TSEN2: variants seen among roughly 807,000 people sequenced by gnomAD.
The protein encoded by TSEN2 is tRNA splicing endonuclease subunit 2.
A neutral mutation model predicts 59.2 loss-of-function variants in TSEN2; 54 were observed. The ratio of observed to expected loss-of-function variants is 0.91; its 90% CI spans 0.73 to 1.14. TSEN2 has a LOEUF of 1.14. Ranked by LOEUF, TSEN2 falls within the 50% of genes most tolerant of loss-of-function variation. The pLI is 0.00. For missense variants in TSEN2, 636 were observed against 576.2 expected, an observed-to-expected ratio of 1.10 and a Z score of -1.06; for synonymous variants, 195 against 198.2, an observed-to-expected ratio of 0.98 and a Z score of 0.14.
At chr3:12,517,058 AGATAAGGGGC>A (rs2056197268) in intron 7 of TSEN2, among the ~76,000 whole-genome samples, 1 of 152,194 alleles carries the variant, frequency 6.6e-6, no homozygotes, top group Non-Finnish European at 1.5e-5. Context: ...TAGAATTTGC[AGATAAGGGGC>A]CGGGCCCGGT....
intron 4 of TSEN2, among the ~76,000 whole-genome samples, chr3:12,499,066 G>C (rs1352096831): frequency 1.3e-5 from 2 of 152,040 alleles, no homozygotes; most frequent in African/African-American, 4.8e-5. Context: ...GGCCATAATT[G>C]TTTCTTTTCT....
At chr3:12,496,361 G>A (rs550778312) in intron 3 of TSEN2, among the ~76,000 whole-genome samples, 157 bp from the exon 4 acceptor site, 3 of 152,296 alleles carry the variant, frequency 2.0e-5, no homozygotes, top group Non-Finnish European at 4.4e-5. Context: ...AGGGAAGGAC[G>A]GCATAGAAAG....
In TSEN2 at chr3:12,489,862, C is replaced by T; in HGVS notation, c.62C>T (p.Ser21Phe). ...AGAAGAGTGTATGAGACTTACGAGT[C>T]TCCATTGCCAATCCCTTTTGGTCAG... ...RKRRVYETYE[S>F]PLPIPFGQDH... The change falls in exon 2 of 12, where the codon TCT (serine) becomes TTT (phenylalanine). Residue 21 changes from serine to phenylalanine, a missense_variant. Physicochemically the swap from Ser to Phe is radical, Grantham distance 155. Transcript: ENST00000284995. The T allele has an allele frequency of 3.1e-6, 5 of 1,614,070 alleles. No individual in the cohort carries two copies. Among genetic ancestry groups the T allele is most frequent in the Non-Finnish European group, 4.2e-6 (5 of 1,180,018 alleles).
At chr3:12,537,184 G>A (rs975207915), downstream of TSEN2, among the ~76,000 whole-genome samples, 7 of 152,134 alleles carry the variant, frequency 4.6e-5, no homozygotes, top group Non-Finnish European at 1.0e-4. Flanking sequence ...GCTTAAGTGG[G>A]AGGATCACTT....
intron 11 of TSEN2, 40 bp from the exon 12 acceptor site, chr3:12,532,622 T>A: frequency 6.2e-7 from 1 of 1,609,986 alleles, no homozygotes; most frequent in Non-Finnish European, 8.5e-7. Flanking sequence ...GGTCTTACAT[T>A]TCTGTTTTAA....
At chr3:12,528,241 A>G (rs182156913) in intron 8 of TSEN2, among the ~76,000 whole-genome samples, 7 of 152,124 alleles carry the variant, frequency 4.6e-5, no homozygotes, top group Non-Finnish European at 7.4e-5. Context: ...ACATTCTATG[A>G]ATTTTACACC....
chr3:12,519,060 A>C lies in TSEN2; in HGVS notation c.962A>C (p.Glu321Ala). ...LGCLSIYYEK[E>A]PLTIVKLWKA... ...TTGTTTTTTTGTAAATAACTTTAGG[A>C]GCCTTTAACGATAGTGAAGCTCTGG... The change falls in exon 8 of 12, where the codon GAG becomes GCG. Residue 321 changes from glutamate to alanine, a missense_variant and splice_region_variant. Transcript: ENST00000284995. 6.2e-7 allele frequency: 1 copy of C among 1,614,148 alleles called. No homozygotes were observed. The highest frequency in any genetic ancestry group is 8.5e-7 in the Non-Finnish European group (1 of 1,180,020).
chr3:12,505,868 C>T (rs977602155), intron 6 of TSEN2, among the ~76,000 whole-genome samples: 4 of 150,120 alleles, frequency 2.7e-5, no homozygotes, highest in East Asian at 2.0e-4. Flanking sequence ...GTGTGGCTGA[C>T]GTGGGAGGAT....
At chr3:12,487,127 G>A (rs938839535) in intron 1 of TSEN2, among the ~76,000 whole-genome samples, 3 of 152,210 alleles carry the variant, frequency 2.0e-5, no homozygotes, top group African/African-American at 7.2e-5. Context: ...CTCCAGTCCT[G>A]TTCGATTTGA....
Position 12,513,087 on chromosome 3 carries a change from C to T in TSEN2, c.910-3524C>T, listed in dbSNP as rs148788365. The stretch of plus-strand genomic sequence containing the variant: ...ACCAACTCAGTTGAATTAAGATCCC[C>T]TCCATCTGTAGTAAGTGCCTAGTCG... On this transcript the variant is annotated intron_variant, in intron 6 of 11. Coordinates refer to ENST00000284995, the MANE Select transcript of TSEN2 (RefSeq NM_025265.4). Among the ~76,000 whole-genome samples the T allele has an allele frequency of 2.3e-3, 356 of 152,330 alleles. 2 individuals carry two copies. Among genetic ancestry groups the T allele is most frequent in the African/African-American group, 8.1e-3 (336 of 41,564 alleles).
chr3:12,528,000 C>G (rs1339353326), intron 8 of TSEN2, among the ~76,000 whole-genome samples: 3 of 152,178 alleles, frequency 2.0e-5, no homozygotes, highest in Non-Finnish European at 4.4e-5. Context: ...TAGCTCTCGA[C>G]CTCCACAGAC....
rs3796325 is a variant in TSEN2 at position 12,517,917 on chromosome 3, T to C, written c.961-1142T>C. Among the ~76,000 whole-genome samples, 27 of 152,214 alleles carry C rather than the reference T, an allele frequency of 1.8e-4. No individual in the cohort carries two copies. The East Asian group carries it at 5.2e-3, about 29-fold the overall frequency. ...GTCACAAGGTCACACAGGTATGGAA[T>C]TTTTGCATTAGGAACAACTGCAAAA... On this transcript the variant is annotated intron_variant, in intron 7 of 11. Transcript: ENST00000284995.
At chr3:12,512,985 CTAA>C (rs2055645185) in intron 6 of TSEN2, among the ~76,000 whole-genome samples, 1 of 152,220 alleles carries the variant, frequency 6.6e-6, no homozygotes, top group Non-Finnish European at 1.5e-5. Flanking sequence ...GTAAAACTTA[CTAA>C]TGAGATTGCA....
At chr3:12,500,781 G>A (rs1450191044) in intron 4 of TSEN2, among the ~76,000 whole-genome samples, 1 of 152,166 alleles carries the variant, frequency 6.6e-6, no homozygotes, top group Non-Finnish European at 1.5e-5. Context: ...CTGAGCCTTA[G>A]AGAGGTGGGG....
intron 8 of TSEN2, among the ~76,000 whole-genome samples, chr3:12,528,641 G>A (rs1426633583): frequency 6.6e-6 from 1 of 152,182 alleles, no homozygotes; most frequent in South Asian, 2.1e-4. Context: ...GATTGCTTGA[G>A]CCCAAGAGGG....
At chr3:12,538,971 C>A in intron 10 of TSEN2, 1 of 316,882 alleles carries the variant, frequency 3.2e-6, no homozygotes, top group Non-Finnish European at 6.1e-6. Context: ...ATGAAATTGA[C>A]ACAGGCTGGA....
At chr3:12,505,479 C>G (rs1420815112) in intron 6 of TSEN2, 1 of 457,462 alleles carries the variant, frequency 2.2e-6, no homozygotes, top group African/African-American at 2.0e-5. Flanking sequence ...CTGAGTACTT[C>G]TTTTCTCATT....
intron 1 of TSEN2, among the ~76,000 whole-genome samples, chr3:12,487,830 A>G (rs975374058): frequency 6.6e-6 from 1 of 152,260 alleles, no homozygotes; most frequent in African/African-American, 2.4e-5. Flanking sequence ...TGTTATAAAC[A>G]CTATACAGCA....
chr3:12,488,519 C>T (rs1181855866), intron 1 of TSEN2, among the ~76,000 whole-genome samples: 1 of 152,220 alleles, frequency 6.6e-6, no homozygotes, highest in Non-Finnish European at 1.5e-5. Context: ...TACTGTATCT[C>T]TGTGTCTGCA....
Sources: gnomAD v4.1 joint callset for allele counts (sites outside exome capture counted in the v4.1 genomes callset) on GRCh38, gnomAD v4.1.1 for gene constraint, MANE v1.5 for transcripts, NCBI Gene and HGNC (gene_info 2026-07-23, HGNC 2026-07-21) for gene names.